Variants in RALGPS2 observed in about 807,000 individuals in gnomAD.
RALGPS2 encodes ras-specific guanine nucleotide-releasing factor RalGPS2.
Under a neutral mutation model 86.8 loss-of-function variants are expected in RALGPS2, and 43 were observed. The observed-to-expected ratio is 0.50, with a 90% CI of 0.39 to 0.64. The LOEUF is 0.64. RALGPS2 is among the 30% of genes least tolerant of loss of function. The probability of loss-of-function intolerance (pLI) is 0.00; values close to 1 mark genes in which losing one functional copy is unlikely to be tolerated. For missense variants in RALGPS2, 536 were observed against 694.6 expected (o/e 0.77, Z 2.57); for synonymous variants, 243 against 231.3 (o/e 1.05, Z -0.46).
chr1:178,770,462 ATACT>A (rs1652740398), intron 1 of RALGPS2, among the ~76,000 whole-genome samples: 1 of 151,120 alleles, frequency 6.6e-6, no homozygotes, highest in South Asian at 2.1e-4. Flanking sequence ...ACACGTATAC[ATACT>A]GTTTTCCTGA....
Position 178,865,170 on chromosome 1 carries a change from T to C in RALGPS2, c.608-12328T>C, listed in dbSNP as rs891490635. On this transcript the variant is annotated intron_variant, in intron 8 of 19. Coordinates refer to ENST00000367635, the MANE Select transcript of RALGPS2 (RefSeq NM_152663.5). ...ACATGGGTGTCTTGTCGGGAAAATA[T>C]CCTCAAGCACTGTTCTTCCAACAAA... The C allele has an allele frequency of 1.1e-5, 17 of 1,609,776 alleles. No individual in the cohort carries two copies. The highest frequency in any genetic ancestry group is 1.4e-5 in the Non-Finnish European group (16 of 1,177,030).
chr1:178,733,021 A>G (rs1167837045), intron 1 of RALGPS2, among the ~76,000 whole-genome samples: 2 of 152,194 alleles, frequency 1.3e-5, no homozygotes, highest in Non-Finnish European at 2.9e-5. Flanking sequence ...GACTTCATGA[A>G]ATCAGTTGTA....
At chr1:178,729,796 C>A (rs1650232849) in intron 1 of RALGPS2, among the ~76,000 whole-genome samples, 2 of 152,184 alleles carry the variant, frequency 1.3e-5, no homozygotes, top group Admixed American at 6.5e-5. Flanking sequence ...CTCAGATAAC[C>A]TGTAATTAAA....
At chr1:178,744,479 C>A (rs982732463) in intron 1 of RALGPS2, among the ~76,000 whole-genome samples, 14 of 152,080 alleles carry the variant, frequency 9.2e-5, no homozygotes, top group South Asian at 2.1e-4. Flanking sequence ...TTCTGTTTCA[C>A]AGTGTACTGG....
chr1:178,890,309 T>G (rs1207285758), intron 14 of RALGPS2, among the ~76,000 whole-genome samples: 1 of 151,944 alleles, frequency 6.6e-6, no homozygotes, highest in East Asian at 1.9e-4. Flanking sequence ...CTGAAGAATG[T>G]GACCAAACAA....
At chr1:178,774,492 T>C (rs1214264584) in intron 1 of RALGPS2, among the ~76,000 whole-genome samples, 1 of 152,262 alleles carries the variant, frequency 6.6e-6, no homozygotes, top group East Asian at 1.9e-4. Context: ...ATTCATGTTA[T>C]ACTTAATGTT....
chr1:178,767,358 CTTTTTTTTT>C (rs1159630163), intron 1 of RALGPS2, among the ~76,000 whole-genome samples: 2 of 70,432 alleles, frequency 2.8e-5, no homozygotes, highest in South Asian at 6.4e-4. Flanking sequence ...TGTCCTTTGG[CTTTTTTTTT>C]TTTTTTTTTT....
chr1:178,817,686 T>C (rs1311907687), intron 6 of RALGPS2, among the ~76,000 whole-genome samples: 1 of 152,240 alleles, frequency 6.6e-6, no homozygotes, highest in Non-Finnish European at 1.5e-5. Context: ...TGAGGTTTTA[T>C]TGAATTTATA....
intron 8 of RALGPS2, among the ~76,000 whole-genome samples, chr1:178,846,265 A>G (rs1656860113): frequency 6.6e-6 from 1 of 152,134 alleles, no homozygotes; most frequent in African/African-American, 2.4e-5. Flanking sequence ...AATAAATGTC[A>G]TTGGCTTTTA....
intron 2 of RALGPS2, among the ~76,000 whole-genome samples, chr1:178,779,697 C>T (rs541301172): frequency 1.1e-4 from 17 of 152,304 alleles, no homozygotes; most frequent in African/African-American, 3.8e-4. Flanking sequence ...ATCACATTTC[C>T]ATAGCCATCT....
At chr1:178,755,256 C>T (rs1651889833) in intron 1 of RALGPS2, among the ~76,000 whole-genome samples, 1 of 151,814 alleles carries the variant, frequency 6.6e-6, no homozygotes, top group Non-Finnish European at 1.5e-5. Context: ...TTGTGTTATG[C>T]TGAGGTTTGG....
intron 14 of RALGPS2, among the ~76,000 whole-genome samples, chr1:178,891,836 T>TA (rs1390098231): frequency 6.6e-6 from 1 of 152,046 alleles, no homozygotes; most frequent in South Asian, 2.1e-4. Flanking sequence ...ATGAATTACT[T>TA]ATATAAATCC....
intron 6 of RALGPS2, among the ~76,000 whole-genome samples, chr1:178,815,633 T>G (rs1269741628): frequency 6.6e-6 from 1 of 152,162 alleles, no homozygotes; most frequent in Non-Finnish European, 1.5e-5. Context: ...CAGTGAACAT[T>G]CTAGAGAACT....
rs570753102 is a variant in RALGPS2, at chr1:178,910,146, T to C, written c.1722+3279T>C. ...GACTTTGCTGAAGTTGTTTATCAGATCTAGGAGCTTTGGGTCAGAGACTAT... is the reference window on the plus strand; with the variant it reads ...GACTTTGCTGAAGTTGTTTATCAGACCTAGGAGCTTTGGGTCAGAGACTAT... On this transcript the variant is annotated intron_variant, in intron 19 of 19. Transcript: ENST00000367635. 1.7e-3 allele frequency among the ~76,000 whole-genome samples: 259 copies of C among 152,348 alleles called. 2 individuals are homozygous for C. The highest frequency in any genetic ancestry group is 0.012 in the South Asian group (57 of 4,832).
chr1:178,776,979 T>G (rs1323213973), intron 2 of RALGPS2, among the ~76,000 whole-genome samples, 158 bp downstream of exon 2: 2 of 152,080 alleles, frequency 1.3e-5, no homozygotes, highest in African/African-American at 2.4e-5. Flanking sequence ...ACTTTAAGTT[T>G]TAGGGTACAT....
At chr1:178,896,534 T>A (rs1355701944) in intron 16 of RALGPS2, among the ~76,000 whole-genome samples, 1 of 149,958 alleles carries the variant, frequency 6.7e-6, no homozygotes, top group African/African-American at 2.5e-5. Context: ...TAGTTACATA[T>A]GTATACATGT....
intron 8 of RALGPS2, among the ~76,000 whole-genome samples, chr1:178,871,212 G>A (rs1658737301): frequency 6.6e-6 from 1 of 152,038 alleles, no homozygotes; most frequent in African/African-American, 2.4e-5. Context: ...AGGGGGGTGG[G>A]ATCAGCAGGA....
In RALGPS2 at chr1:178,908,810, C is replaced by A. The variant is rs947822358; in HGVS notation, c.1722+1943C>A. 4.6e-5 allele frequency among the ~76,000 whole-genome samples: 7 copies of A among 152,162 alleles called. No individual in the cohort carries two copies. In the South Asian group the frequency reaches 1.5e-3, roughly 32 times the overall value. ...TTCTTATAGATTCTAGATATTAGAC[C>A]TTTTTCAGATACACAGTTTGAAAAT... On this transcript the variant is annotated intron_variant, in intron 19 of 19. Coordinates refer to ENST00000367635, the MANE Select transcript of RALGPS2 (RefSeq NM_152663.5).
intron 8 of RALGPS2, among the ~76,000 whole-genome samples, chr1:178,848,044 C>G (rs1029759873): frequency 1.3e-5 from 2 of 152,182 alleles, no homozygotes; most frequent in East Asian, 1.9e-4. Flanking sequence ...CACAGTGGCT[C>G]ACACCTGTAA....
Sources: gnomAD v4.1 joint callset for allele counts (sites outside exome capture counted in the v4.1 genomes callset) on GRCh38, gnomAD v4.1.1 for gene constraint, MANE v1.5 for transcripts, NCBI Gene and HGNC (gene_info 2026-07-23, HGNC 2026-07-21) for gene names.